Variants in NRG2 observed in about 807,000 individuals in gnomAD.
NRG2 encodes the protein neuregulin 2.
NRG2 carries 27 observed loss-of-function variants against 73.9 expected under a neutral mutation model. That is an observed-to-expected ratio of 0.37 (90% CI 0.27 to 0.50). The LOEUF (loss-of-function observed/expected upper bound fraction) is 0.50. NRG2 is among the 20% of genes least tolerant of loss of function. The pLI is 0.96. For synonymous variants in NRG2, 532 were observed against 541.0 expected (o/e 0.98, Z 0.23); for missense variants, 1,126 against 1,210.1 (o/e 0.93, Z 1.03).
chr5:139,862,934 A>G (rs1243041829), intron 5 of NRG2, among the ~76,000 whole-genome samples: 1 of 152,256 alleles, frequency 6.6e-6, no homozygotes, highest in South Asian at 2.1e-4. Flanking sequence ...TCTCTGCAAA[A>G]GATAACCTGG....
chr5:139,993,707 G>A (rs1392078034), intron 1 of NRG2, among the ~76,000 whole-genome samples: 1 of 152,124 alleles, frequency 6.6e-6, no homozygotes, highest in African/African-American at 2.4e-5. Flanking sequence ...GGACAGCATA[G>A]GTCCTCAATA....
At chr5:140,006,546 T>C (rs1174830483) in intron 1 of NRG2, among the ~76,000 whole-genome samples, 2 of 152,240 alleles carry the variant, frequency 1.3e-5, no homozygotes, top group African/African-American at 2.4e-5. Context: ...ATAATAATGT[T>C]CTACAACTGG....
chr5:139,848,215 G>A lies in NRG2; in HGVS notation c.2255C>T (p.Ala752Val), dbSNP rs999727669. 11 of 1,238,018 alleles carry A rather than the reference G, an allele frequency of 8.9e-6. No homozygotes were observed. The highest frequency in any genetic ancestry group is 6.1e-5 in the South Asian group (2 of 33,030). 76.7% of individuals were successfully genotyped at this position (1,238,018 alleles called of 1,614,324 possible). The change falls in exon 10 of 10, where the codon GCG becomes GTG. Residue 752 changes from alanine to valine, a missense_variant. This residue lies in a region of NRG2 where 402 missense variants were observed against 357.8 expected (regional missense o/e 1.12). Transcript: ENST00000361474. Reference sequence around the variant, plus strand: ...CCTCGCCGCCCGTGCGCGCTGCGCCGCCAGCCCGTTGAGGCGCGAGCGGCG... The same window carrying A: ...CCTCGCCGCCCGTGCGCGCTGCGCCACCAGCCCGTTGAGGCGCGAGCGGCG... ...RWRRSRLNGL[A>V]AQRARAARDS...
chr5:139,933,234 C>T (rs1164063508), intron 1 of NRG2, among the ~76,000 whole-genome samples: 1 of 151,844 alleles, frequency 6.6e-6, no homozygotes, highest in Non-Finnish European at 1.5e-5. Flanking sequence ...GAGATCATAC[C>T]ATTGCACTCC....
intron 1 of NRG2, among the ~76,000 whole-genome samples, chr5:139,989,974 G>A (rs1271772651): frequency 6.6e-6 from 1 of 151,132 alleles, no homozygotes; most frequent in Non-Finnish European, 1.5e-5. Context: ...ATTTTTAGTA[G>A]AGACGGGGTT....
intron 1 of NRG2, among the ~76,000 whole-genome samples, chr5:139,908,487 T>C (rs1765385503): frequency 6.6e-6 from 1 of 152,186 alleles, no homozygotes. Context: ...TAGTATTAAC[T>C]CACTTAATTC....
Position 139,871,741 on chromosome 5 carries a change from G to A in NRG2, c.1092C>T (p.Gly364=), listed in dbSNP as rs371785321. ...CTTACTTGCAGGAGAGCTGGTTGAT[G>A]CCCTCGATGTAGTAGCAGACGCCTC... ...VNGGVCYYIE[G]INQLSCKCPN... is the part of the protein sequence containing the mutation. The change falls in exon 4 of 10, where the codon GGC becomes GGT. Residue 364 remains glycine (G), a synonymous_variant. Coordinates refer to ENST00000361474, the MANE Select transcript of NRG2 (RefSeq NM_004883.3). 5 of 1,613,970 alleles carry A rather than the reference G, an allele frequency of 3.1e-6. No individual in the cohort carries two copies. The highest frequency in any genetic ancestry group is 4.2e-6 in the Non-Finnish European group (5 of 1,179,996).
At chr5:139,962,260 G>T (rs149315872) in intron 1 of NRG2, among the ~76,000 whole-genome samples, 223 of 152,266 alleles carry the variant, frequency 1.5e-3, no homozygotes, top group Middle Eastern at 6.8e-3. Context: ...GCCAGAACGG[G>T]GGATAGCTAA....
At chr5:139,859,984 GGA>G (rs554149041) in intron 5 of NRG2, 130 of 1,476,584 alleles carry the variant, frequency 8.8e-5, no homozygotes, top group Non-Finnish European at 1.0e-4. Flanking sequence ...GGGGACAGGG[GGA>G]GAGAGAGAGA....
chr5:139,965,974 A>G (rs879753879), intron 1 of NRG2, among the ~76,000 whole-genome samples: 4 of 151,816 alleles, frequency 2.6e-5, no homozygotes, highest in Non-Finnish European at 4.4e-5. Flanking sequence ...CACAATTTCT[A>G]ATTTTTTTTT....
At chr5:139,871,921 G>A (rs1249387571) in intron 3 of NRG2, 80 bp from the exon 4 acceptor site, 19 of 1,542,256 alleles carry the variant, frequency 1.2e-5, no homozygotes, top group African/African-American at 2.7e-5. Context: ...CATGCCCCAC[G>A]TCAAAACTGG....
chr5:140,043,268 C>G lies in NRG2; in HGVS notation c.-199G>C. 1 of 580,026 alleles carries G rather than the reference C, an allele frequency of 1.7e-6. No homozygotes were observed. The allele number at this position is 580,026 out of a possible 1,614,324, so 35.9% of individuals were successfully genotyped here. On this transcript the variant is annotated 5_prime_UTR_variant, in exon 1 of 10. Transcript: ENST00000361474. This position sits in a 1 kb window ranked among gnomAD's most constrained non-coding sequence, Gnocchi z 6.7. The stretch of plus-strand genomic sequence containing the variant: ...GCGCAGCGCGGCGCAGCGCAGCGCT[C>G]CCACCCTGTGCGCCAGGACCTGGAG...
intron 1 of NRG2, among the ~76,000 whole-genome samples, chr5:140,035,523 A>G (rs1761443414): frequency 6.6e-6 from 1 of 152,252 alleles, no homozygotes; most frequent in Admixed American, 6.5e-5. Flanking sequence ...AAACATTGAA[A>G]AGATTGAATT....
At chr5:139,905,693 G>T (rs1033691711) in intron 1 of NRG2, among the ~76,000 whole-genome samples, 2 of 151,630 alleles carry the variant, frequency 1.3e-5, no homozygotes, top group Admixed American at 6.6e-5. Flanking sequence ...TGGGGGGGGG[G>T]CAGGTGTAAG....
At chr5:139,901,816 A>G (rs1365067405) in intron 1 of NRG2, among the ~76,000 whole-genome samples, 1 of 152,232 alleles carries the variant, frequency 6.6e-6, no homozygotes, top group Non-Finnish European at 1.5e-5. Flanking sequence ...TGGGGCACAC[A>G]GAAAAGGCTG....
chr5:139,903,746 C>A (rs1765032875), intron 1 of NRG2, among the ~76,000 whole-genome samples: 1 of 152,258 alleles, frequency 6.6e-6, no homozygotes, highest in Non-Finnish European at 1.5e-5. Flanking sequence ...GAAGCAGCGG[C>A]TCCCCTTCTC....
intron 1 of NRG2, among the ~76,000 whole-genome samples, chr5:139,898,913 A>G (rs1021085435): frequency 6.6e-6 from 1 of 152,238 alleles, no homozygotes; most frequent in Non-Finnish European, 1.5e-5. Flanking sequence ...ATCTGGGCAC[A>G]TAGCCCCTTT....
At chr5:139,994,366 C>CT (rs1416113336) in intron 1 of NRG2, among the ~76,000 whole-genome samples, 2 of 152,202 alleles carry the variant, frequency 1.3e-5, no homozygotes, top group Non-Finnish European at 2.9e-5. Context: ...TCTTATTCAG[C>CT]TTTGTATTCC....
chr5:139,987,718 A>G (rs1457482365), intron 1 of NRG2, among the ~76,000 whole-genome samples: 1 of 152,118 alleles, frequency 6.6e-6, no homozygotes, highest in Non-Finnish European at 1.5e-5. Flanking sequence ...TATGTATCAA[A>G]AGCCTTATTA....
Sources: gnomAD v4.1 joint callset for allele counts (sites outside exome capture counted in the v4.1 genomes callset) on GRCh38, gnomAD v4.1.1 for gene constraint, gnomAD v4.1.1 regional missense constraint, Gnocchi (gnomAD v3.1) non-coding constraint, MANE v1.5 for transcripts, NCBI Gene and HGNC (gene_info 2026-07-23, HGNC 2026-07-21) for gene names.